The following MAT2B variants were observed in gnomAD, a reference collection of about 807,000 sequenced individuals.
MAT2B encodes methionine adenosyltransferase 2 subunit beta.
MAT2B carries 16 observed loss-of-function variants against 36.1 expected under a neutral mutation model. That is an observed-to-expected ratio of 0.44 (90% CI 0.30 to 0.67). The LOEUF (loss-of-function observed/expected upper bound fraction) is 0.67, where lower values mean the gene tolerates loss of function less well. Among genes scored for constraint, MAT2B ranks in the 30% least tolerant of loss-of-function variants. The pLI is 0.09. For missense variants in MAT2B, 332 were observed against 398.2 expected, an observed-to-expected ratio of 0.83 and a Z score of 1.42; for synonymous variants, 148 against 136.9, an observed-to-expected ratio of 1.08 and a Z score of -0.57.
At chr5:163,516,386 G>T in intron 4 of MAT2B, 132 bp from the exon 5 acceptor site, 2 of 694,954 alleles carry the variant, frequency 2.9e-6, no homozygotes, top group Non-Finnish European at 4.9e-6. Flanking sequence ...CAAGTGAGCT[G>T]TGTCATTTTG....
At chr5:163,512,691 T>A in intron 2 of MAT2B, 1 of 454,594 alleles carries the variant, frequency 2.2e-6, no homozygotes, top group South Asian at 1.6e-5. Flanking sequence ...TGTTTTGTTC[T>A]TGTTTTTGTG....
chr5:163,510,809 C>T (rs189418036), intron 1 of MAT2B, among the ~76,000 whole-genome samples: 73 of 152,168 alleles, frequency 4.8e-4, no homozygotes, highest in African/African-American at 1.5e-3. Flanking sequence ...TTTTCCTCCT[C>T]GTATATTCCT....
upstream of MAT2B, among the ~76,000 whole-genome samples, chr5:163,504,312 A>G (rs981936475): frequency 1.6e-5 from 2 of 128,678 alleles, no homozygotes; most frequent in African/African-American, 5.8e-5. Flanking sequence ...ACTAATGAAC[A>G]GTAATAGCCT....
At chr5:163,513,508 CTT>C in intron 2 of MAT2B, 45 bp from the exon 3 acceptor site, 1 of 1,126,712 alleles carries the variant, frequency 8.9e-7, no homozygotes, top group Non-Finnish European at 1.3e-6. Context: ...TGTAATACCT[CTT>C]TCATTTTATT....
intron 5 of MAT2B, chr5:163,516,921 A>G (rs1359543113): frequency 5.0e-6 from 3 of 596,330 alleles, no homozygotes; most frequent in Non-Finnish European, 8.9e-6. Context: ...TTTCTTATGT[A>G]CTATAGATCC....
chr5:163,515,764 C>CTTTTTTT (rs1222529836), intron 4 of MAT2B, among the ~76,000 whole-genome samples: 1 of 30,826 alleles, frequency 3.2e-5, no homozygotes, highest in Non-Finnish European at 6.4e-5. Flanking sequence ...GTGGTTTTGC[C>CTTTTTTT]TTTTTCTTTT....
At chr5:163,516,763 C>G (rs750611469) in intron 5 of MAT2B, 52 bp downstream of exon 5, 2 of 1,591,486 alleles carry the variant, frequency 1.3e-6, no homozygotes, top group South Asian at 2.2e-5. Context: ...TTGTCTTTTC[C>G]ATGCTTGAAC....
intron 2 of MAT2B, chr5:163,513,333 A>G (rs1760079837): frequency 4.9e-6 from 2 of 410,568 alleles, no homozygotes; most frequent in Admixed American, 3.9e-5. Context: ...TTGTGTCTGC[A>G]TATTATGAAA....
chr5:163,508,876 A>G (rs1329903296), intron 1 of MAT2B, among the ~76,000 whole-genome samples: 1 of 152,234 alleles, frequency 6.6e-6, no homozygotes. Context: ...TGAAATGGAA[A>G]TGATACTGCA....
rs890124367 is a variant in MAT2B, at chr5:163,513,875, C to G, written c.407C>G (p.Ser136Ter). The change falls in exon 4 of 7, where the codon TCA (serine) becomes TGA (stop). Residue 136 changes from serine to a stop codon, truncating the protein, a stop_gained. Coordinates refer to ENST00000321757, the MANE Select transcript of MAT2B (RefSeq NM_013283.5). LOFTEE classifies it high-confidence loss of function. ...GGAGCATTTCTCATCTACATTAGCTCAGATTATGTATTTGATGGAACAAAT... is the reference window on the plus strand; with the variant it reads ...GGAGCATTTCTCATCTACATTAGCTGAGATTATGTATTTGATGGAACAAAT... ...AVGAFLIYIS[S>*]DYVFDGTNPP... The G allele has an allele frequency of 6.2e-7, 1 of 1,612,614 alleles. No homozygotes were observed.
intron 4 of MAT2B, 64 bp from the exon 5 acceptor site, chr5:163,516,454 T>C: frequency 7.4e-7 from 1 of 1,348,566 alleles, no homozygotes. Flanking sequence ...TCCACACCCT[T>C]GTATCTTACA....
At chr5:163,508,022 A>G (rs949621993) in intron 1 of MAT2B, among the ~76,000 whole-genome samples, 2 of 152,238 alleles carry the variant, frequency 1.3e-5, no homozygotes, top group African/African-American at 4.8e-5. Flanking sequence ...AATAACTTCT[A>G]AACACCAATT....
chr5:163,505,670 G>A lies in MAT2B; in HGVS notation c.-17G>A. 7.8e-7 allele frequency: 1 copy of A among 1,278,794 alleles called. No homozygotes were observed. 79.2% of individuals were successfully genotyped at this position (1,278,794 alleles called of 1,614,324 possible). A position where few individuals can be genotyped will look rare whatever the true frequency, so the allele number is the denominator to read the frequency against. On this transcript the variant is annotated 5_prime_UTR_variant, in exon 1 of 7. Coordinates refer to ENST00000321757, the MANE Select transcript of MAT2B (RefSeq NM_013283.5). ...GGAGGTGGCGGCCGCTGAGGCTGCG[G>A]CGTGAAGACGGCGGGCATGGTGGGG...
intron 1 of MAT2B, among the ~76,000 whole-genome samples, chr5:163,507,997 G>A (rs1759972733): frequency 6.6e-6 from 1 of 152,162 alleles, no homozygotes. Flanking sequence ...TGAGGAATTA[G>A]ATCAATAGAG....
chr5:163,507,368 A>C (rs181886972), intron 1 of MAT2B, among the ~76,000 whole-genome samples: 115 of 152,334 alleles, frequency 7.5e-4, no homozygotes, highest in African/African-American at 2.7e-3. Flanking sequence ...TACGATAATA[A>C]GAATATTTAT....
chr5:163,509,500 C>T (rs758655522), intron 1 of MAT2B, among the ~76,000 whole-genome samples: 1 of 152,160 alleles, frequency 6.6e-6, no homozygotes, highest in African/African-American at 2.4e-5. Flanking sequence ...TATCAAGCCC[C>T]ACCCCAGACC....
At chr5:163,506,598 T>A (rs73798833) in intron 1 of MAT2B, among the ~76,000 whole-genome samples, 10,748 of 152,214 alleles carry the variant, frequency 0.071, 1,242 homozygotes, top group African/African-American at 0.24. Flanking sequence ...GTTTCTGTTA[T>A]TGCAAAGTTT....
At chr5:163,506,830 A>G in intron 1 of MAT2B, among the ~76,000 whole-genome samples, 1 of 152,236 alleles carries the variant, frequency 6.6e-6, no homozygotes, top group East Asian at 1.9e-4. Context: ...AAATGAAAAT[A>G]GCTTTTCGTG....
Position 163,513,632 on chromosome 5 carries a change from T to TA in MAT2B, c.338dup (p.Asn113LysfsTer23). Reference sequence around the variant, plus strand: ...ATCAGCCAGATGCTGCCTCTCAACTTAATGTGGATGCTTCTGGGAATTTAG... The same window carrying TA: ...ATCAGCCAGATGCTGCCTCTCAACTTAAATGTGGATGCTTCTGGGAATTTAG... On this transcript the variant is annotated frameshift_variant, in exon 3 of 7. Coordinates refer to ENST00000321757, the MANE Select transcript of MAT2B (RefSeq NM_013283.5). LOFTEE classifies it high-confidence loss of function. 6.2e-7 allele frequency: 1 copy of TA among 1,613,894 alleles called. No homozygotes were observed.
Sources: gnomAD v4.1 joint callset for allele counts (sites outside exome capture counted in the v4.1 genomes callset) on GRCh38, gnomAD v4.1.1 for gene constraint, MANE v1.5 for transcripts, NCBI Gene and HGNC (gene_info 2026-07-23, HGNC 2026-07-21) for gene names.